Variants in SIK2 observed in about 807,000 individuals in gnomAD.
SIK2 encodes the protein serine/threonine-protein kinase SIK2.
Under a neutral mutation model 103.2 loss-of-function variants are expected in SIK2, and 29 were observed. The ratio of observed to expected loss-of-function variants is 0.28; its 90% CI spans 0.21 to 0.38. The LOEUF is 0.38. Ranked by LOEUF, SIK2 falls within the 10% of genes least tolerant of loss-of-function variation. The probability of loss-of-function intolerance (pLI) is 1.00; values close to 1 mark genes in which losing one functional copy is unlikely to be tolerated. For missense variants in SIK2, 879 were observed against 1,171.0 expected, an observed-to-expected ratio of 0.75 and a Z score of 3.64; for synonymous variants, 412 against 446.1, an observed-to-expected ratio of 0.92 and a Z score of 0.96.
In SIK2 at chr11:111,704,072, C is replaced by T. The variant is rs551451879; in HGVS notation, c.948+649C>T. 1.3e-4 allele frequency among the ~76,000 whole-genome samples: 20 copies of T among 152,302 alleles called. No homozygotes were observed. In the East Asian group the frequency reaches 3.7e-3, roughly 28 times the overall value. On this transcript the variant is annotated intron_variant, in intron 7 of 14. Transcript: ENST00000304987. ...CATAACAAGAAAGAATATCAAATGC[C>T]GCCTTGTTTGCTGTGAAAGACCAAG...
At chr11:111,678,968 A>C (rs1942743522) in intron 3 of SIK2, among the ~76,000 whole-genome samples, 1 of 152,234 alleles carries the variant, frequency 6.6e-6, no homozygotes, top group South Asian at 2.1e-4. Flanking sequence ...TAACTTGCCC[A>C]ACATGACACA....
intron 1 of SIK2, among the ~76,000 whole-genome samples, chr11:111,615,574 AT>A (rs751301017): frequency 7.9e-5 from 12 of 152,212 alleles, no homozygotes; most frequent in Non-Finnish European, 1.6e-4. Context: ...TTCATATGTA[AT>A]CCCTTCAAAT....
Position 111,722,854 on chromosome 11 carries a change from A to T in SIK2, c.2147+98A>T, listed in dbSNP as rs1943843600. ...TTTTCCTCTCACATTCGCCACTACT[A>T]GGAAAATAGGTTTTCTGCGTGTGTC... On this transcript the variant is annotated intron_variant, in intron 14 of 14. Coordinates refer to ENST00000304987, the MANE Select transcript of SIK2 (RefSeq NM_015191.3). The surrounding 1 kb of genome is among the most constrained non-coding windows in gnomAD (Gnocchi z 4.4). The T allele has an allele frequency of 1.8e-6, 2 of 1,108,552 alleles. No homozygotes were observed. 68.7% of individuals were successfully genotyped at this position (1,108,552 alleles called of 1,614,324 possible). A position where few individuals can be genotyped will look rare whatever the true frequency, so the allele number is the denominator to read the frequency against.
At chr11:111,618,597 A>C (rs902190563) in intron 2 of SIK2, among the ~76,000 whole-genome samples, 3 of 152,170 alleles carry the variant, frequency 2.0e-5, no homozygotes, top group Non-Finnish European at 4.4e-5. Context: ...AAGGAGTTCC[A>C]GGCTGTAGTA....
intron 4 of SIK2, among the ~76,000 whole-genome samples, chr11:111,696,539 C>T (rs930198193): frequency 1.3e-5 from 2 of 152,092 alleles, no homozygotes; most frequent in African/African-American, 4.8e-5. Flanking sequence ...AGGAACATAG[C>T]CATAGTTTTA....
intron 3 of SIK2, among the ~76,000 whole-genome samples, chr11:111,641,951 A>G (rs1942188984): frequency 6.6e-6 from 1 of 151,702 alleles, no homozygotes; most frequent in African/African-American, 2.4e-5. Flanking sequence ...TAGTTGATGT[A>G]TGAATAAGGT....
chr11:111,712,377 T>A lies in SIK2; in HGVS notation c.1266+2T>A. The stretch of plus-strand genomic sequence containing the variant: ...GAAGAGTGTGTGGACACTCCAAAGG[T>A]ACGGCTATGTTTGAGAGTCTCAGAA... On this transcript the variant is annotated splice_donor_variant, in intron 9 of 14. Coordinates refer to ENST00000304987, the MANE Select transcript of SIK2 (RefSeq NM_015191.3). LOFTEE classifies it high-confidence loss of function. The A allele has an allele frequency of 6.2e-7, 1 of 1,612,478 alleles. No individual in the cohort carries two copies. The highest frequency in any genetic ancestry group is 8.5e-7 in the Non-Finnish European group (1 of 1,178,998).
chr11:111,635,501 G>T (rs1942097825), intron 3 of SIK2, among the ~76,000 whole-genome samples: 1 of 149,750 alleles, frequency 6.7e-6, no homozygotes, highest in African/African-American at 2.5e-5. Flanking sequence ...GAGGGAGGGA[G>T]GGAAATGAGT....
rs1358613496 is a variant in SIK2, at chr11:111,701,046, T to C, written c.603+36T>C. On this transcript the variant is annotated intron_variant, in intron 5 of 14. Transcript: ENST00000304987. The surrounding 1 kb of genome is among the most constrained non-coding windows in gnomAD (Gnocchi z 4.2). ...GCTTTGCTGTGTTGTTAAATGCATC[T>C]ATACTGATAATACTTGGTGTTCTGG... 2 of 1,597,548 alleles carry C rather than the reference T, an allele frequency of 1.3e-6. No homozygotes were observed. Among genetic ancestry groups the C allele is most frequent in the East Asian group, 2.2e-5 (1 of 44,484 alleles).
At chr11:111,668,781 A>G (rs1942583757) in intron 3 of SIK2, among the ~76,000 whole-genome samples, 1 of 152,242 alleles carries the variant, frequency 6.6e-6, no homozygotes, top group Non-Finnish European at 1.5e-5. Context: ...CAGTTAAGAA[A>G]CTATTCTAAT....
chr11:111,729,163 G>A lies in SIK2; in HGVS notation c.*5034G>A, dbSNP rs546430724. On this transcript the variant is annotated 3_prime_UTR_variant, in exon 15 of 15. Transcript: ENST00000304987. The stretch of plus-strand genomic sequence containing the variant: ...TACCATTTTTGTCCTAATTAAGGTA[G>A]CCTAGCTGATTCTAGAAGACAGCCA... 5 of 152,186 alleles carry A rather than the reference G, an allele frequency of 3.3e-5. No homozygotes were observed. Among genetic ancestry groups the A allele is most frequent in the Non-Finnish European group, 7.3e-5 (5 of 68,046 alleles). The allele number at this position is 152,186 out of a possible 1,614,324, so 9.4% of individuals were successfully genotyped here. A position where few individuals can be genotyped will look rare whatever the true frequency, so the allele number is the denominator to read the frequency against.
chr11:111,714,179 G>C (rs11213987), intron 9 of SIK2, among the ~76,000 whole-genome samples: 4,414 of 152,232 alleles, frequency 0.029, 214 homozygotes, highest in African/African-American at 0.099. Context: ...GCAAGTACTA[G>C]GGAAGCCTAA....
In SIK2 at chr11:111,722,725, C is replaced by T. The variant is rs139550830; in HGVS notation, c.2116C>T (p.Arg706Trp). ...TCAGCTTTATTGCAAAGAACCACCG[C>T]GGAGCCTTGAGCAGCAGCTGCAGGA... ...TCQLYCKEPP[R>W]SLEQQLQEHR... Residue 706 changes from arginine to tryptophan, a missense_variant, in exon 14 of 15, where the codon CGG (arginine) becomes TGG (tryptophan). This residue lies in a region of SIK2 where 375 missense variants were observed against 416.3 expected (regional missense o/e 0.90). Transcript: ENST00000304987. This position sits in a 1 kb window ranked among gnomAD's most constrained non-coding sequence, Gnocchi z 4.4. The T allele has an allele frequency of 1.7e-5, 27 of 1,614,002 alleles. No individual in the cohort carries two copies. The highest frequency in any genetic ancestry group is 1.6e-4 in the Middle Eastern group (1 of 6,080).
chr11:111,654,175 A>C (rs1050334366), intron 3 of SIK2, among the ~76,000 whole-genome samples: 5 of 152,256 alleles, frequency 3.3e-5, no homozygotes, highest in Admixed American at 1.3e-4. Flanking sequence ...AATTTTTAAT[A>C]CAAAATAAGT....
At chr11:111,698,415 T>C (rs1282848726) in intron 4 of SIK2, among the ~76,000 whole-genome samples, 1 of 152,160 alleles carries the variant, frequency 6.6e-6, no homozygotes, top group Non-Finnish European at 1.5e-5. Context: ...AAGTTCAGAA[T>C]GAAGTGGCTC....
At chr11:111,635,292 TA>T (rs1332769845) in intron 3 of SIK2, among the ~76,000 whole-genome samples, 1 of 151,272 alleles carries the variant, frequency 6.6e-6, no homozygotes, top group Non-Finnish European at 1.5e-5. Context: ...CAGTGTGTTC[TA>T]AAAATGAAAG....
rs140319766 is a variant in SIK2, at chr11:111,698,643, G to T, written c.479-2243G>T. On this transcript the variant is annotated intron_variant, in intron 4 of 14. Transcript: ENST00000304987. ...TGTGCTACTCAGGAGGTTGAGGTGC[G>T]AGGACTGCAGTGAGCTGAGATCGTG... 5.1e-3 allele frequency among the ~76,000 whole-genome samples: 773 copies of T among 152,284 alleles called. 8 individuals are homozygous for T. Among genetic ancestry groups the T allele is most frequent in the African/African-American group, 0.017 (721 of 41,546 alleles).
In SIK2 at chr11:111,602,538, CG is replaced by C; in HGVS notation, c.-25del. The C allele has an allele frequency of 6.8e-7, 1 of 1,480,646 alleles. No homozygotes were observed. Among genetic ancestry groups the C allele is most frequent in the South Asian group, 1.3e-5 (1 of 77,592 alleles). The allele number at this position is 1,480,646 out of a possible 1,614,324, so 91.7% of individuals were successfully genotyped here. Reference sequence around the variant, plus strand: ...CCTCCCGCCCGCCCGCGCTCCTGTCCGCCGTGTCTAGCAGCGGGGCCCAGCA... The same window carrying C: ...CCTCCCGCCCGCCCGCGCTCCTGTCCCCGTGTCTAGCAGCGGGGCCCAGCA... On this transcript the variant is annotated 5_prime_UTR_variant, in exon 1 of 15. Coordinates refer to ENST00000304987, the MANE Select transcript of SIK2 (RefSeq NM_015191.3). The surrounding 1 kb of genome is among the most constrained non-coding windows in gnomAD (Gnocchi z 4.5).
chr11:111,715,282 T>G (rs1180040318), intron 9 of SIK2, among the ~76,000 whole-genome samples: 1 of 152,160 alleles, frequency 6.6e-6, no homozygotes, highest in East Asian at 1.9e-4. Context: ...CCCTAAGACC[T>G]CTTTCTTGGG....
Sources: gnomAD v4.1 joint callset for allele counts (sites outside exome capture counted in the v4.1 genomes callset) on GRCh38, gnomAD v4.1.1 for gene constraint, gnomAD v4.1.1 regional missense constraint, Gnocchi (gnomAD v3.1) non-coding constraint, MANE v1.5 for transcripts, NCBI Gene and HGNC (gene_info 2026-07-23, HGNC 2026-07-21) for gene names.